Variants in FOXP1 observed in about 807,000 individuals in gnomAD.
FOXP1 encodes forkhead box P1.
In FOXP1, 15 loss-of-function variants were observed where a neutral mutation model predicts 98.2. The ratio of observed to expected loss-of-function variants is 0.15; its 90% CI spans 0.10 to 0.24. The LOEUF (loss-of-function observed/expected upper bound fraction) is 0.24. Among genes scored for constraint, FOXP1 ranks in the 10% least tolerant of loss-of-function variants. The probability of loss-of-function intolerance (pLI) is 1.00; values close to 1 mark genes in which losing one functional copy is unlikely to be tolerated. For synonymous variants in FOXP1, 371 were observed against 314.5 expected, an observed-to-expected ratio of 1.18 and a Z score of -1.90; for missense variants, 633 against 848.5, an observed-to-expected ratio of 0.75 and a Z score of 3.15.
intron 6 of FOXP1, among the ~76,000 whole-genome samples, chr3:71,120,324 T>C (rs2058670397): frequency 6.6e-6 from 1 of 152,220 alleles, no homozygotes; most frequent in South Asian, 2.1e-4. Context: ...TGGGATATAC[T>C]GAATTTGAAT....
intron 5 of FOXP1, among the ~76,000 whole-genome samples, chr3:71,263,494 C>T (rs2107211266): frequency 6.6e-6 from 1 of 152,278 alleles, no homozygotes; most frequent in African/African-American, 2.4e-5. Context: ...CTATGTATAT[C>T]ATGTCCTACA....
In FOXP1 at chr3:71,198,358, C is replaced by T. The variant is rs1429864752; in HGVS notation, c.24G>A (p.Glu8=). Residue 8 remains glutamate (E), a synonymous_variant, in exon 6 of 21, where the codon GAG becomes GAA. Coordinates refer to ENST00000649528, the MANE Select transcript of FOXP1 (RefSeq NM_001349338.3). MMQESGT[E]TKSNGSAIQN... ...GGATGGCTGAACCGTTACTTTTTGT[C>T]TCAGTCCCAGATTCTTGCATCATGA... 6.2e-7 allele frequency: 1 copy of T among 1,606,682 alleles called. No homozygotes were observed. Among genetic ancestry groups the T allele is most frequent in the Non-Finnish European group, 8.5e-7 (1 of 1,177,642 alleles).
intron 3 of FOXP1, among the ~76,000 whole-genome samples, chr3:71,436,742 A>G (rs2085398213): frequency 6.6e-6 from 1 of 152,192 alleles, no homozygotes; most frequent in Non-Finnish European, 1.5e-5. Context: ...AGAATACACC[A>G]AAATACCTGG....
intron 10 of FOXP1, among the ~76,000 whole-genome samples, chr3:71,042,023 G>T (rs1046215980): frequency 6.6e-6 from 1 of 152,136 alleles, no homozygotes; most frequent in African/African-American, 2.4e-5. Flanking sequence ...CATAAATTAT[G>T]AATTCATATC....
intron 2 of FOXP1, among the ~76,000 whole-genome samples, chr3:71,512,988 T>G (rs187507098): frequency 2.0e-5 from 3 of 152,280 alleles, no homozygotes; most frequent in African/African-American, 7.2e-5. Context: ...GAAGGATCCC[T>G]GAGATACTAG....
chr3:70,989,554 T>C (rs534842428), intron 13 of FOXP1, among the ~76,000 whole-genome samples: 2 of 152,102 alleles, frequency 1.3e-5, no homozygotes, highest in African/African-American at 4.8e-5. Context: ...AATTAAAATG[T>C]TGGGAATGCT....
At chr3:71,372,017 C>CTT (rs552340574) in intron 3 of FOXP1, among the ~76,000 whole-genome samples, 1 of 144,682 alleles carries the variant, frequency 6.9e-6, no homozygotes, top group Non-Finnish European at 1.5e-5. Flanking sequence ...TTCTTTCTTT[C>CTT]TTTTTTTTTT....
intron 2 of FOXP1, among the ~76,000 whole-genome samples, chr3:71,536,168 T>C (rs1451436191): frequency 6.6e-6 from 1 of 152,154 alleles, no homozygotes; most frequent in African/African-American, 2.4e-5. Context: ...AATTTCACCA[T>C]GGGTTCCATG....
At chr3:71,028,451 T>C (rs2046423281) in intron 11 of FOXP1, among the ~76,000 whole-genome samples, 1 of 152,214 alleles carries the variant, frequency 6.6e-6, no homozygotes, top group African/African-American at 2.4e-5. Flanking sequence ...GCCTGTATTT[T>C]AGCCATTCCT....
chr3:71,420,666 G>A (rs985344633), intron 3 of FOXP1, among the ~76,000 whole-genome samples: 5 of 151,792 alleles, frequency 3.3e-5, no homozygotes, highest in East Asian at 1.9e-4. Flanking sequence ...GAATAAAGTC[G>A]CTTTTCCTGC....
At chr3:71,306,580 T>A (rs931985070) in intron 4 of FOXP1, among the ~76,000 whole-genome samples, 1 of 126,186 alleles carries the variant, frequency 7.9e-6, no homozygotes, top group Admixed American at 1.0e-4. Context: ...TATATGTGCA[T>A]ATATACTCAC....
rs751601262 is a variant in FOXP1 at position 71,521,391 on chromosome 3, G to A, written c.-297-27836C>T. On this transcript the variant is annotated intron_variant, in intron 2 of 20. Transcript: ENST00000649528. ...AAAATACAAAAATTAGCCAGGTGTGGTGGCAAGCGCCTGTAATCTCAGCTA... is the reference window on the plus strand; with the variant it reads ...AAAATACAAAAATTAGCCAGGTGTGATGGCAAGCGCCTGTAATCTCAGCTA... Among the ~76,000 whole-genome samples the A allele has an allele frequency of 2.6e-4, 40 of 152,248 alleles. No individual in the cohort carries two copies. In the Middle Eastern group the frequency reaches 0.017, roughly 65 times the overall value.
intron 3 of FOXP1, among the ~76,000 whole-genome samples, chr3:71,432,638 G>A (rs1441492550): frequency 6.6e-6 from 1 of 151,914 alleles, no homozygotes; most frequent in African/African-American, 2.4e-5. Context: ...CACCCTGGGC[G>A]CCTGCAGCAC....
At chr3:70,976,081 GCT>G (rs2037449893) in intron 17 of FOXP1, among the ~76,000 whole-genome samples, 1 of 138,058 alleles carries the variant, frequency 7.2e-6, no homozygotes, top group Non-Finnish European at 1.5e-5. Context: ...ACAGGGTCTT[GCT>G]CTGTTGCCCA....
intron 5 of FOXP1, among the ~76,000 whole-genome samples, chr3:71,294,773 C>T (rs1382970645): frequency 6.6e-6 from 1 of 152,168 alleles, no homozygotes; most frequent in Non-Finnish European, 1.5e-5. Flanking sequence ...TCAAAGTTTG[C>T]TGGGCCTTAT....
At chr3:71,582,857 G>A (rs2048297073) in intron 1 of FOXP1, 2 of 960,652 alleles carry the variant, frequency 2.1e-6, no homozygotes, top group Admixed American at 6.1e-5. Flanking sequence ...GACTCTCGGG[G>A]TAACGCGCGC....
intron 11 of FOXP1, among the ~76,000 whole-genome samples, chr3:71,034,694 A>G (rs984370732): frequency 2.6e-5 from 4 of 152,166 alleles, no homozygotes; most frequent in African/African-American, 9.7e-5. Flanking sequence ...AGGTCCTTTC[A>G]TCCTTGACAA....
chr3:70,983,074 T>G (rs1402722874), intron 14 of FOXP1, among the ~76,000 whole-genome samples: 3 of 152,236 alleles, frequency 2.0e-5, no homozygotes, highest in Non-Finnish European at 2.9e-5. Context: ...ACGGCCTTTC[T>G]GAGGCTGGAG....
chr3:71,502,758 G>A (rs901378652), intron 2 of FOXP1, among the ~76,000 whole-genome samples: 6 of 152,166 alleles, frequency 3.9e-5, no homozygotes, highest in Non-Finnish European at 7.3e-5. Flanking sequence ...GAACATTCTA[G>A]AAGAAGCCAG....
Sources: allele counts gnomAD v4.1 joint callset (sites outside exome capture counted in the v4.1 genomes callset), GRCh38; gene constraint gnomAD v4.1.1; transcripts MANE v1.5; gene names NCBI Gene and HGNC (gene_info 2026-07-23, HGNC 2026-07-21).